The following RHOH variants were observed in gnomAD, a reference collection of about 807,000 sequenced individuals.
RHOH encodes ras homolog family member H.
A neutral mutation model predicts 13.8 loss-of-function variants in RHOH; 6 were observed. The observed-to-expected ratio is 0.44, with a 90% CI of 0.24 to 0.86. RHOH has a LOEUF of 0.86. Among genes scored for constraint, RHOH ranks in the 40% least tolerant of loss-of-function variants. The probability of loss-of-function intolerance (pLI) is 0.24; values close to 1 mark genes in which losing one functional copy is unlikely to be tolerated. For missense variants in RHOH, 147 were observed against 244.5 expected, an observed-to-expected ratio of 0.60 and a Z score of 2.66; for synonymous variants, 117 against 103.0, an observed-to-expected ratio of 1.14 and a Z score of -0.82.
intron 1 of RHOH, among the ~76,000 whole-genome samples, chr4:40,239,385 G>T (rs1728983343): frequency 6.6e-6 from 1 of 152,074 alleles, no homozygotes; most frequent in Non-Finnish European, 1.5e-5. Flanking sequence ...TCTTTTTGTA[G>T]CCATGTCTGG....
intron 1 of RHOH, among the ~76,000 whole-genome samples, chr4:40,219,003 A>G (rs942347093): frequency 3.9e-5 from 6 of 152,262 alleles, no homozygotes; most frequent in African/African-American, 1.2e-4. Context: ...GTACTAAAGG[A>G]ATTTAGAAAG....
upstream of RHOH, chr4:40,191,087 A>T (rs1316638678): frequency 6.6e-6 from 1 of 152,058 alleles, no homozygotes; most frequent in Admixed American, 6.6e-5. Flanking sequence ...CTTCTTCTTC[A>T]CTCTTCACGC....
intron 1 of RHOH, chr4:40,212,887 G>C (rs1302599049): frequency 6.6e-6 from 1 of 152,272 alleles, no homozygotes; most frequent in Non-Finnish European, 1.5e-5. Flanking sequence ...TCCTTATCAT[G>C]TGGATGGCAG....
chr4:40,232,256 G>T (rs555059951), intron 1 of RHOH, among the ~76,000 whole-genome samples: 42 of 152,278 alleles, frequency 2.8e-4, no homozygotes, highest in African/African-American at 9.9e-4. Flanking sequence ...ACAGGGTCTT[G>T]CTTTGTTGCC....
At chr4:40,213,526 C>A (rs529259688) in intron 1 of RHOH, among the ~76,000 whole-genome samples, 1 of 152,042 alleles carries the variant, frequency 6.6e-6, no homozygotes, top group East Asian at 1.9e-4. Flanking sequence ...AACAAAAATT[C>A]TCTAAAAAAA....
intron 1 of RHOH, among the ~76,000 whole-genome samples, chr4:40,223,466 CTTT>C (rs36119984): frequency 2.8e-4 from 26 of 94,468 alleles, no homozygotes; most frequent in Admixed American, 4.8e-4. Flanking sequence ...TGATTGTTAG[CTTT>C]TTTTTTTTTT....
Position 40,243,990 on chromosome 4 carries a change from T to G in RHOH, c.*28T>G. 6.4e-7 allele frequency: 1 copy of G among 1,557,984 alleles called. No individual in the cohort carries two copies. The highest frequency in any genetic ancestry group is 8.7e-7 in the Non-Finnish European group (1 of 1,145,038). Reference sequence around the variant, plus strand: ...CCCAAGAGACTTCACACAACACTTATGTATGCACCCCAAAGACTAATGGGG... The same window carrying G: ...CCCAAGAGACTTCACACAACACTTAGGTATGCACCCCAAAGACTAATGGGG... On this transcript the variant is annotated 3_prime_UTR_variant, in exon 3 of 3. Transcript: ENST00000381799. This position sits in a 1 kb window ranked among gnomAD's most constrained non-coding sequence, Gnocchi z 6.2.
intron 1 of RHOH, among the ~76,000 whole-genome samples, chr4:40,238,389 A>G (rs1382099641): frequency 6.6e-6 from 1 of 152,220 alleles, no homozygotes; most frequent in African/African-American, 2.4e-5. Context: ...GTTAGAATTG[A>G]GGCCAAAAGG....
chr4:40,201,366 G>T (rs1200432242), intron 1 of RHOH, among the ~76,000 whole-genome samples: 2 of 136,962 alleles, frequency 1.5e-5, no homozygotes, highest in Non-Finnish European at 3.2e-5. Context: ...TGATTTCAAT[G>T]AAAAAAAAAA....
chr4:40,201,653 AC>A (rs1309988674), intron 1 of RHOH, among the ~76,000 whole-genome samples: 1 of 150,180 alleles, frequency 6.7e-6, no homozygotes, highest in Admixed American at 6.6e-5. Context: ...CAGGCTCCCC[AC>A]CTTTTTTTTT....
At chr4:40,194,639 G>A (rs1304079692), upstream of RHOH, among the ~76,000 whole-genome samples, 1 of 152,218 alleles carries the variant, frequency 6.6e-6, no homozygotes, top group Non-Finnish European at 1.5e-5. Flanking sequence ...GCCTCCCAAA[G>A]TGTGGGGATT....
At chr4:40,231,352 TAGAAG>T (rs1727920029) in intron 1 of RHOH, among the ~76,000 whole-genome samples, 1 of 131,966 alleles carries the variant, frequency 7.6e-6, no homozygotes, top group African/African-American at 2.8e-5. Context: ...ATACATAACA[TAGAAG>T]AGAACATGTT....
intron 1 of RHOH, among the ~76,000 whole-genome samples, chr4:40,237,758 T>C (rs554851652): frequency 3.3e-5 from 5 of 152,288 alleles, no homozygotes; most frequent in Admixed American, 1.3e-4. Context: ...CTGTAATTGA[T>C]AGGCCATCCC....
At chr4:40,239,864 C>T (rs553740252) in intron 1 of RHOH, among the ~76,000 whole-genome samples, 1 of 149,478 alleles carries the variant, frequency 6.7e-6, no homozygotes, top group Non-Finnish European at 1.5e-5. Context: ...AGCAACAGAG[C>T]GAGACTCCGT....
chr4:40,221,429 C>T (rs1274405346), intron 1 of RHOH, among the ~76,000 whole-genome samples: 1 of 152,118 alleles, frequency 6.6e-6, no homozygotes, highest in Non-Finnish European at 1.5e-5. Flanking sequence ...GCACCATTTT[C>T]CCAACAGCGT....
Position 40,230,331 on chromosome 4 carries a change from C to T in RHOH, c.-330-12383C>T, listed in dbSNP as rs116720868. 9.2e-3 allele frequency among the ~76,000 whole-genome samples: 1,398 copies of T among 151,708 alleles called. 21 individuals are homozygous for T. The highest frequency in any genetic ancestry group is 0.031 in the African/African-American group (1,294 of 41,272). On this transcript the variant is annotated intron_variant, in intron 1 of 2. Coordinates refer to ENST00000381799, the MANE Select transcript of RHOH (RefSeq NM_004310.5). ...GTGAATACAGGTGTGAGTCATGGCA[C>T]CCGGCCTGGACTTTTTTGAGTCCAG... is the stretch of plus-strand genomic sequence containing the variant.
rs1729499967 is a variant in RHOH, at chr4:40,243,465, G to A, written c.79G>A (p.Glu27Lys). 6.2e-7 allele frequency: 1 copy of A among 1,613,918 alleles called. No homozygotes were observed. Among genetic ancestry groups the A allele is most frequent in the South Asian group, 1.1e-5 (1 of 91,054 alleles). Residue 27 changes from glutamate (E) to lysine (K), a missense_variant, in exon 3 of 3, where the codon GAG becomes AAG. Physicochemically the swap from Glu to Lys is moderately conservative, Grantham distance 56. Coordinates refer to ENST00000381799, the MANE Select transcript of RHOH (RefSeq NM_004310.5). This position sits in a 1 kb window ranked among gnomAD's most constrained non-coding sequence, Gnocchi z 6.2. ...KTSLLVRFTSETFPEAYKPTV... is the reference protein window; with the variant it reads ...KTSLLVRFTSKTFPEAYKPTV... ...CTCTCTGTTGGTGCGCTTCACCTCC[G>A]AGACCTTCCCGGAGGCCTACAAGCC...
At chr4:40,201,945 GTTT>G (rs1179441198) in intron 1 of RHOH, among the ~76,000 whole-genome samples, 3,809 of 108,908 alleles carry the variant, frequency 0.035, 142 homozygotes, top group African/African-American at 0.097. Context: ...AACTCCATGA[GTTT>G]TTTTTTTTTT....
upstream of RHOH, among the ~76,000 whole-genome samples, chr4:40,195,747 T>C (rs1723075124): frequency 6.6e-6 from 1 of 152,178 alleles, no homozygotes; most frequent in South Asian, 2.1e-4. Flanking sequence ...CCACTGCACC[T>C]GGCCTCCCAC....
Sources: gnomAD v4.1 joint callset for allele counts (sites outside exome capture counted in the v4.1 genomes callset) on GRCh38, gnomAD v4.1.1 for gene constraint, Gnocchi (gnomAD v3.1) non-coding constraint, MANE v1.5 for transcripts, NCBI Gene and HGNC (gene_info 2026-07-23, HGNC 2026-07-21) for gene names.